Variants in DIP2C observed in about 807,000 individuals in gnomAD.
The protein encoded by DIP2C is disco-interacting protein 2 homolog C.
A neutral mutation model predicts 192.4 loss-of-function variants in DIP2C; 33 were observed. That is an observed-to-expected ratio of 0.17 (90% CI 0.13 to 0.23). The LOEUF (loss-of-function observed/expected upper bound fraction) is 0.23. DIP2C is among the 10% of genes least tolerant of loss of function. The pLI is 1.00. For missense variants in DIP2C, 1,537 were observed against 2,110.1 expected (o/e 0.73, Z 5.32); for synonymous variants, 979 against 864.1 (o/e 1.13, Z -2.33).
chr10:686,391 C>T (rs1197687541), intron 1 of DIP2C, among the ~76,000 whole-genome samples: 1 of 152,002 alleles, frequency 6.6e-6, no homozygotes, highest in Admixed American at 6.5e-5. Flanking sequence ...ACCCGAGGGG[C>T]CTCCGCACCC....
chr10:639,203 C>CGAG (rs1588653517), intron 1 of DIP2C, among the ~76,000 whole-genome samples: 6 of 82,226 alleles, frequency 7.3e-5, no homozygotes, highest in African/African-American at 2.6e-4. Flanking sequence ...GTCAGGCCAT[C>CGAG]AGGGTGCTGC....
At chr10:365,310 A>T (rs1188502858) in intron 19 of DIP2C, among the ~76,000 whole-genome samples, 2 of 152,198 alleles carry the variant, frequency 1.3e-5, no homozygotes, top group Non-Finnish European at 2.9e-5. Flanking sequence ...AGATGGGAGG[A>T]TTGCTTGAGG....
At chr10:352,270 GA>G (rs1958855108) in intron 24 of DIP2C, among the ~76,000 whole-genome samples, 1 of 152,252 alleles carries the variant, frequency 6.6e-6, no homozygotes, top group Non-Finnish European at 1.5e-5. Context: ...GAGTGTCTTT[GA>G]AAATGTTTTG....
intron 1 of DIP2C, among the ~76,000 whole-genome samples, chr10:626,748 G>A (rs1854229610): frequency 7.2e-6 from 1 of 138,756 alleles, no homozygotes; most frequent in Non-Finnish European, 1.5e-5. Flanking sequence ...CACGCCGATT[G>A]TCAGGCCCTC....
chr10:332,691 G>T (rs906683221), intron 29 of DIP2C, among the ~76,000 whole-genome samples: 1 of 152,148 alleles, frequency 6.6e-6, no homozygotes, highest in Non-Finnish European at 1.5e-5. Context: ...TAGACATTTT[G>T]GTAAGTAATA....
intron 1 of DIP2C, among the ~76,000 whole-genome samples, chr10:635,163 C>A (rs1466440683): frequency 6.6e-6 from 1 of 152,220 alleles, no homozygotes; most frequent in African/African-American, 2.4e-5. Context: ...GTCACAAAAA[C>A]CAGAAGAGCA....
Position 419,300 on chromosome 10 carries a change from C to T in DIP2C, c.605-101G>A, listed in dbSNP as rs564376775. On this transcript the variant is annotated intron_variant, in intron 5 of 36. Transcript: ENST00000280886. ...GAAGAGACTGAAGCACAGGTGCTCA[C>T]CCTGGGTGTGCCATGGAAAGCCAGA... 3 of 1,544,976 alleles carry T rather than the reference C, an allele frequency of 1.9e-6. No individual in the cohort carries two copies. The East Asian group carries it at 6.8e-5, about 35-fold the overall frequency.
chr10:547,521 A>G (rs1848347095), intron 1 of DIP2C, among the ~76,000 whole-genome samples: 1 of 152,188 alleles, frequency 6.6e-6, no homozygotes, highest in Non-Finnish European at 1.5e-5. Context: ...GCAGACAGTG[A>G]GGTACCCAGC....
intron 1 of DIP2C, among the ~76,000 whole-genome samples, chr10:688,746 C>T (rs971340852): frequency 2.0e-5 from 3 of 152,242 alleles, no homozygotes; most frequent in African/African-American, 7.2e-5. Flanking sequence ...AAATAAGAGG[C>T]GTACACAACC....
intron 1 of DIP2C, among the ~76,000 whole-genome samples, chr10:606,199 C>T (rs1279272748): frequency 6.6e-6 from 1 of 152,242 alleles, no homozygotes; most frequent in African/African-American, 2.4e-5. Flanking sequence ...GCTGGGGTGC[C>T]AGCCACGGCC....
intron 3 of DIP2C, among the ~76,000 whole-genome samples, chr10:461,585 T>G (rs982373077): frequency 6.6e-6 from 1 of 152,152 alleles, no homozygotes; most frequent in Non-Finnish European, 1.5e-5. Context: ...ACAGTAACAG[T>G]GGGAGGCTTT....
At chr10:584,815 C>T (rs1367653602) in intron 1 of DIP2C, among the ~76,000 whole-genome samples, 4 of 127,458 alleles carry the variant, frequency 3.1e-5, no homozygotes, top group Non-Finnish European at 4.9e-5. Flanking sequence ...TCGGGGCCCG[C>T]GACCTGACCC....
intron 3 of DIP2C, among the ~76,000 whole-genome samples, chr10:446,351 G>C (rs1287959943): frequency 6.6e-6 from 1 of 150,846 alleles, no homozygotes; most frequent in East Asian, 2.0e-4. Flanking sequence ...CTGTTGTGAA[G>C]AGTCTCATGG....
chr10:596,349 A>C (rs1851695811), intron 1 of DIP2C, among the ~76,000 whole-genome samples: 1 of 151,844 alleles, frequency 6.6e-6, no homozygotes, highest in Non-Finnish European at 1.5e-5. Context: ...ATCTCTAACG[A>C]AAATTAGCCG....
chr10:619,944 G>A (rs567674672), intron 1 of DIP2C, among the ~76,000 whole-genome samples: 80 of 152,314 alleles, frequency 5.3e-4, no homozygotes, highest in Non-Finnish European at 7.9e-4. Flanking sequence ...CGTGGCAAGT[G>A]CACGGGGTGG....
chr10:458,279 T>A (rs1371290902), intron 3 of DIP2C, among the ~76,000 whole-genome samples: 1 of 152,174 alleles, frequency 6.6e-6, no homozygotes, highest in African/African-American at 2.4e-5. Context: ...AATGAGAAAA[T>A]TGAGTTGTTC....
chr10:493,318 C>G (rs185716811), intron 1 of DIP2C, among the ~76,000 whole-genome samples: 14 of 152,364 alleles, frequency 9.2e-5, no homozygotes, highest in African/African-American at 3.4e-4. Context: ...AGAAAGACAG[C>G]TCTGAGAAGA....
rs754391820 is a variant in DIP2C, at chr10:689,583, C to G, written c.-5G>C. 8.6e-7 allele frequency: 1 copy of G among 1,159,148 alleles called. No homozygotes were observed. Among genetic ancestry groups the G allele is most frequent in the South Asian group, 2.6e-5 (1 of 38,756 alleles). 71.8% of individuals were successfully genotyped at this position (1,159,148 alleles called of 1,614,324 possible). A position where few individuals can be genotyped will look rare whatever the true frequency, so the allele number is the denominator to read the frequency against. On this transcript the variant is annotated 5_prime_UTR_variant, in exon 1 of 37. Transcript: ENST00000280886. The surrounding 1 kb of genome is among the most constrained non-coding windows in gnomAD (Gnocchi z 6.1). ...CTCCAGGCTGCGGTCCGCCATGCTCCGCGGGCGCCGCGCCCCGCACGGCCT... is the reference window on the plus strand; with the variant it reads ...CTCCAGGCTGCGGTCCGCCATGCTCGGCGGGCGCCGCGCCCCGCACGGCCT...
At chr10:489,500 G>C (rs574921974) in intron 1 of DIP2C, among the ~76,000 whole-genome samples, 1 of 152,262 alleles carries the variant, frequency 6.6e-6, no homozygotes, top group Non-Finnish European at 1.5e-5. Context: ...AGCTTCTTGG[G>C]TTGGGCCCAA....
Sources: gnomAD v4.1 joint callset for allele counts (sites outside exome capture counted in the v4.1 genomes callset) on GRCh38, gnomAD v4.1.1 for gene constraint, Gnocchi (gnomAD v3.1) non-coding constraint, MANE v1.5 for transcripts, NCBI Gene and HGNC (gene_info 2026-07-23, HGNC 2026-07-21) for gene names.